MYT1L: variants seen among roughly 807,000 people sequenced by gnomAD.
MYT1L encodes myelin transcription factor 1-like protein.
MYT1L carries 12 observed loss-of-function variants against 126.7 expected under a neutral mutation model. The ratio of observed to expected loss-of-function variants is 0.09; its 90% CI spans 0.06 to 0.15. The LOEUF (loss-of-function observed/expected upper bound fraction) is 0.15. Ranked by LOEUF, MYT1L falls within the 10% of genes least tolerant of loss-of-function variation. The pLI, the probability that MYT1L is intolerant of heterozygous loss-of-function variation, is 1.00. For missense variants in MYT1L, 979 were observed against 1,585.2 expected, an observed-to-expected ratio of 0.62 and a Z score of 6.49; for synonymous variants, 541 against 604.2, an observed-to-expected ratio of 0.90 and a Z score of 1.53.
rs890352019 is a variant in MYT1L at position 1,790,959 on chromosome 2, C to A, written c.*908G>T. Reference sequence around the variant, plus strand: ...CAATAACAGACAGTTCAGAGGGGCACGAAACTCTAGGGGAGATACGAGAAG... The same window carrying A: ...CAATAACAGACAGTTCAGAGGGGCAAGAAACTCTAGGGGAGATACGAGAAG... On this transcript the variant is annotated 3_prime_UTR_variant, in exon 25 of 25. Transcript: ENST00000647738. 2 of 254,408 alleles carry A rather than the reference C, an allele frequency of 7.9e-6. No individual in the cohort carries two copies. The highest frequency in any genetic ancestry group is 1.6e-5 in the Non-Finnish European group (2 of 127,162). 15.8% of individuals were successfully genotyped at this position (254,408 alleles called of 1,614,324 possible). A position where few individuals can be genotyped will look rare whatever the true frequency, so the allele number is the denominator to read the frequency against.
chr2:1,866,460 C>CAG (rs1004117398), intron 18 of MYT1L, among the ~76,000 whole-genome samples: 3 of 105,424 alleles, frequency 2.8e-5, no homozygotes, highest in South Asian at 3.4e-4. Flanking sequence ...GAGAGAGAGG[C>CAG]AGAGAGAGAG....
chr2:2,088,897 CA>C (rs1300103790), intron 3 of MYT1L, among the ~76,000 whole-genome samples: 1 of 152,186 alleles, frequency 6.6e-6, no homozygotes, highest in Non-Finnish European at 1.5e-5. Flanking sequence ...AAGTATCCTA[CA>C]AATACAGACT....
chr2:1,851,814 T>C, intron 18 of MYT1L, 111 bp from the exon 19 acceptor site: 1 of 1,039,526 alleles, frequency 9.6e-7, no homozygotes, highest in Non-Finnish European at 1.5e-6. Context: ...CACTTCCTAC[T>C]TGAAAGAGGC....
intron 21 of MYT1L, among the ~76,000 whole-genome samples, chr2:1,815,000 T>C (rs1339975076): frequency 6.6e-6 from 1 of 152,210 alleles, no homozygotes; most frequent in Admixed American, 6.5e-5. Context: ...TAAGCTCGGG[T>C]GTTTCATTTG....
chr2:1,817,905 G>C (rs73184812), intron 21 of MYT1L, among the ~76,000 whole-genome samples: 69 of 152,350 alleles, frequency 4.5e-4, no homozygotes, highest in African/African-American at 1.6e-3. Context: ...GCTGAGTGTA[G>C]GTTTGGAAGT....
chr2:1,901,193 C>T (rs952368375), intron 14 of MYT1L, among the ~76,000 whole-genome samples: 2 of 152,150 alleles, frequency 1.3e-5, no homozygotes, highest in African/African-American at 4.8e-5. Flanking sequence ...CCAGAAGCCC[C>T]CTTTCCTTCT....
chr2:2,278,504 G>A lies in MYT1L; in HGVS notation c.-421+5900C>T, dbSNP rs576727401. On this transcript the variant is annotated intron_variant, in intron 2 of 24. Transcript: ENST00000647738. ...CCATCAGTTACAAAAATGTGATTTG[G>A]CCACTGTCGCTTATCTAGACCTCCA... is the stretch of plus-strand genomic sequence containing the variant. Among the ~76,000 whole-genome samples, 3 of 152,230 alleles carry A rather than the reference G, an allele frequency of 2.0e-5. No homozygotes were observed. In the South Asian group the frequency reaches 6.2e-4, roughly 32 times the overall value.
chr2:1,952,412 C>T (rs940536078), intron 8 of MYT1L, among the ~76,000 whole-genome samples: 3 of 152,104 alleles, frequency 2.0e-5, no homozygotes, highest in African/African-American at 7.2e-5. Flanking sequence ...CGGGCTTTGA[C>T]CATTTGTCAA....
intron 19 of MYT1L, among the ~76,000 whole-genome samples, chr2:1,846,769 AC>A (rs2042550825): frequency 6.6e-6 from 1 of 152,120 alleles, no homozygotes. Flanking sequence ...GACCCTCCGG[AC>A]CCTCTGACTA....
At chr2:2,257,055 G>A (rs2094832558) in intron 2 of MYT1L, among the ~76,000 whole-genome samples, 1 of 152,064 alleles carries the variant, frequency 6.6e-6, no homozygotes, top group African/African-American at 2.4e-5. Context: ...ATGCATTCCT[G>A]TGCCCCACCC....
At chr2:2,184,240 T>C (rs957559781) in intron 2 of MYT1L, among the ~76,000 whole-genome samples, 1 of 152,176 alleles carries the variant, frequency 6.6e-6, no homozygotes, top group Non-Finnish European at 1.5e-5. Context: ...ATTATCTAAA[T>C]ATATTCTTAT....
intron 21 of MYT1L, among the ~76,000 whole-genome samples, chr2:1,823,398 C>G (rs2038838990): frequency 6.6e-6 from 1 of 152,232 alleles, no homozygotes; most frequent in Middle Eastern, 3.2e-3. Context: ...CCACTTGGGG[C>G]ACTCAGGTCC....
chr2:2,315,207 T>C (rs1235013203), intron 1 of MYT1L, among the ~76,000 whole-genome samples: 2 of 152,114 alleles, frequency 1.3e-5, no homozygotes, highest in Non-Finnish European at 2.9e-5. Context: ...ATGTCTTGGG[T>C]CCTCAGCTGG....
intron 1 of MYT1L, among the ~76,000 whole-genome samples, chr2:2,290,213 C>A (rs1468366006): frequency 1.3e-5 from 2 of 152,156 alleles, no homozygotes; most frequent in Non-Finnish European, 2.9e-5. Context: ...ATCTGAGAGT[C>A]CCATGGTCAC....
chr2:1,927,921 GA>G lies in MYT1L; in HGVS notation c.506-4659del, dbSNP rs1472713826. 1.8e-3 allele frequency among the ~76,000 whole-genome samples: 214 copies of G among 116,050 alleles called. 1 individual carries two copies. Among genetic ancestry groups the G allele is most frequent in the African/African-American group, 9.6e-3 (202 of 21,022 alleles). 76.1% of individuals were successfully genotyped at this position (116,050 alleles called of 152,430 possible). On this transcript the variant is annotated intron_variant, in intron 9 of 24. Transcript: ENST00000647738. ...TTTTAATAGCAATCGCAATGATAAG[GA>G]AAAAAAACCAAACCACATAAACCAT...
At chr2:2,001,237 C>CTTTTTTTTTTTTTTTTCT (rs11389323) in intron 4 of MYT1L, among the ~76,000 whole-genome samples, 3 of 103,898 alleles carry the variant, frequency 2.9e-5, no homozygotes, top group Non-Finnish European at 5.8e-5. Flanking sequence ...TTGGTTTTAG[C>CTTTTTTTTTTTTTTTTCT]TTTTTTTTTT....
chr2:2,126,788 G>A (rs540672190), intron 3 of MYT1L, among the ~76,000 whole-genome samples: 14 of 152,304 alleles, frequency 9.2e-5, no homozygotes, highest in African/African-American at 3.4e-4. Flanking sequence ...ACCAGTTCCT[G>A]TTTGTGTATG....
intron 2 of MYT1L, among the ~76,000 whole-genome samples, chr2:2,179,586 C>A (rs67251186): frequency 6.6e-6 from 1 of 151,984 alleles, no homozygotes; most frequent in African/African-American, 2.4e-5. Context: ...CACACAAACA[C>A]GTAAAGGAGG....
chr2:2,191,602 G>A (rs1292943140), intron 2 of MYT1L, among the ~76,000 whole-genome samples: 1 of 152,198 alleles, frequency 6.6e-6, no homozygotes, highest in Non-Finnish European at 1.5e-5. Flanking sequence ...TGGGACTGGT[G>A]TGCATGTGGA....
Sources: gnomAD v4.1 joint callset for allele counts (sites outside exome capture counted in the v4.1 genomes callset) on GRCh38, gnomAD v4.1.1 for gene constraint, MANE v1.5 for transcripts, NCBI Gene and HGNC (gene_info 2026-07-23, HGNC 2026-07-21) for gene names.